PCDHGB3: variants seen among roughly 807,000 people sequenced by gnomAD.
PCDHGB3 encodes protocadherin gamma-B3.
A neutral mutation model predicts 59.2 loss-of-function variants in PCDHGB3; 40 were observed. The ratio of observed to expected loss-of-function variants is 0.68; its 90% CI spans 0.52 to 0.88. PCDHGB3 has a LOEUF of 0.88. PCDHGB3 is among the 40% of genes least tolerant of loss of function. The pLI, the probability that PCDHGB3 is intolerant of heterozygous loss-of-function variation, is 0.00. For synonymous variants in PCDHGB3, 581 were observed against 503.6 expected (o/e 1.15, Z -2.06); for missense variants, 1,309 against 1,187.9 (o/e 1.10, Z -1.50).
intron 1 of PCDHGB3, among the ~76,000 whole-genome samples, chr5:141,448,086 T>TA (rs558292628): frequency 0.011 from 1,579 of 146,268 alleles, 11 homozygotes; most frequent in Non-Finnish European, 0.016. Context: ...AATGCCATCT[T>TA]AAAAAAAAAA....
At chr5:141,395,105 G>A in intron 1 of PCDHGB3, 1 of 1,614,220 alleles carries the variant, frequency 6.2e-7, no homozygotes, top group East Asian at 2.2e-5. Context: ...CCGACTCGCG[G>A]AAGAGTCACC....
At chr5:141,458,289 T>G (rs2154566205) in intron 1 of PCDHGB3, among the ~76,000 whole-genome samples, 1 of 152,280 alleles carries the variant, frequency 6.6e-6, no homozygotes, top group African/African-American at 2.4e-5. Flanking sequence ...CTGGTCCTCA[T>G]GCTGGTTTAG....
chr5:141,392,914 C>G (rs2092626800), intron 1 of PCDHGB3: 1 of 1,613,786 alleles, frequency 6.2e-7, no homozygotes. Context: ...ATTCGCTACT[C>G]TGTGCCAGAA....
chr5:141,511,695 C>T lies in PCDHGB3; in HGVS notation c.*522C>T, dbSNP rs1009832192. 1 of 195,662 alleles carries T rather than the reference C, an allele frequency of 5.1e-6. No individual in the cohort carries two copies. Among genetic ancestry groups the T allele is most frequent in the Non-Finnish European group, 1.1e-5 (1 of 92,626 alleles). The allele number at this position is 195,662 out of a possible 1,614,324, so 12.1% of individuals were successfully genotyped here. On this transcript the variant is annotated 3_prime_UTR_variant, in exon 4 of 4. Coordinates refer to ENST00000576222, the MANE Select transcript of PCDHGB3 (RefSeq NM_018924.5). ...CTTCCCCCAAAGCATGGTTTGGTGC[C>T]AGCCCCTTCACCTCCTTCCAGAGCC...
At chr5:141,388,439 A>G (rs1209677690) in intron 1 of PCDHGB3, 10 of 1,613,896 alleles carry the variant, frequency 6.2e-6, no homozygotes, top group Non-Finnish European at 8.5e-6. Context: ...ATAAAGAGAA[A>G]TCAGATGGCA....
At position 141,487,144 on chromosome 5, in the gene PCDHGB3, C is replaced by T. The variant is rs2099640304; in HGVS notation, c.2416-7663C>T. The T allele has an allele frequency of 6.2e-7, 1 of 1,614,032 alleles. No homozygotes were observed. Among genetic ancestry groups the T allele is most frequent in the African/African-American group, 1.3e-5 (1 of 75,056 alleles). On this transcript the variant is annotated intron_variant, in intron 1 of 3. Coordinates refer to ENST00000576222, the MANE Select transcript of PCDHGB3 (RefSeq NM_018924.5). This position sits in a 1 kb window ranked among gnomAD's most constrained non-coding sequence, Gnocchi z 5.0. ...ATAGTGGTAGTCCACCACTCTCTAC[C>T]TCTGTTACTCTCTTAGTGTCCTTAG...
chr5:141,487,058 C>T lies in PCDHGB3; in HGVS notation c.2416-7749C>T, dbSNP rs775720601. 23 of 1,613,980 alleles carry T rather than the reference C, an allele frequency of 1.4e-5. No individual in the cohort carries two copies. The highest frequency in any genetic ancestry group is 1.0e-4 in the Admixed American group (6 of 59,996). ...AGTCTCTCGATATGCTGGGGAGGTGCGGACGGCTGTTCCTATCCCAGCTGA... is the reference window on the plus strand; with the variant it reads ...AGTCTCTCGATATGCTGGGGAGGTGTGGACGGCTGTTCCTATCCCAGCTGA... On this transcript the variant is annotated intron_variant, in intron 1 of 3. Transcript: ENST00000576222. The surrounding 1 kb of genome is among the most constrained non-coding windows in gnomAD (Gnocchi z 5.0).
intron 1 of PCDHGB3, among the ~76,000 whole-genome samples, chr5:141,472,357 C>T (rs1020143523): frequency 2.4e-4 from 37 of 152,012 alleles, no homozygotes; most frequent in Non-Finnish European, 1.5e-4. Context: ...CTGGCTAACA[C>T]GGTGAAACCC....
chr5:141,390,000 A>G, intron 1 of PCDHGB3: 2 of 1,613,856 alleles, frequency 1.2e-6, no homozygotes, highest in Non-Finnish European at 1.7e-6. Flanking sequence ...CGTGGCCATG[A>G]TTCTGGCCAT....
chr5:141,414,862 G>A (rs763491057), intron 1 of PCDHGB3: 1 of 1,614,226 alleles, frequency 6.2e-7, no homozygotes, highest in Non-Finnish European at 8.5e-7. Context: ...GAACGACAAT[G>A]CGCCCGAGAT....
At chr5:141,398,957 T>G (rs1307112913) in intron 1 of PCDHGB3, 1 of 1,613,868 alleles carries the variant, frequency 6.2e-7, no homozygotes, top group South Asian at 1.1e-5. Context: ...AACTCAGAAA[T>G]TACTTATTCC....
intron 1 of PCDHGB3, chr5:141,423,300 G>A (rs1293301567): frequency 2.5e-6 from 4 of 1,614,028 alleles, no homozygotes; most frequent in African/African-American, 1.3e-5. Context: ...CAGACCTCTC[G>A]CTGTACTTGG....
At chr5:141,413,661 T>G (rs2095664313) in intron 1 of PCDHGB3, 1 of 1,613,886 alleles carries the variant, frequency 6.2e-7, no homozygotes. Flanking sequence ...CGGAAGCTAT[T>G]GATCCGGATG....
chr5:141,500,062 TAA>T (rs1314388217), intron 2 of PCDHGB3, among the ~76,000 whole-genome samples: 1 of 152,144 alleles, frequency 6.6e-6, no homozygotes, highest in East Asian at 1.9e-4. Flanking sequence ...TCTTTTAATG[TAA>T]AAGACTTCCC....
intron 1 of PCDHGB3, among the ~76,000 whole-genome samples, chr5:141,446,453 A>T (rs2098502702): frequency 6.6e-6 from 1 of 151,946 alleles, no homozygotes; most frequent in Non-Finnish European, 1.5e-5. Context: ...GCAGATATTC[A>T]GTGTGTGATT....
chr5:141,478,394 G>A, intron 1 of PCDHGB3: 1 of 1,613,586 alleles, frequency 6.2e-7, no homozygotes, highest in Non-Finnish European at 8.5e-7. Context: ...TTACCATCAG[G>A]TGTATCTCAC....
intron 1 of PCDHGB3, among the ~76,000 whole-genome samples, chr5:141,455,489 A>T (rs925133619): frequency 3.9e-5 from 6 of 152,152 alleles, no homozygotes; most frequent in African/African-American, 4.8e-5. Context: ...GGTGGAGGTG[A>T]TGTCTGATTT....
intron 2 of PCDHGB3, among the ~76,000 whole-genome samples, chr5:141,497,879 G>T (rs62379207): frequency 2.0e-5 from 3 of 152,128 alleles, no homozygotes; most frequent in Admixed American, 6.5e-5. Flanking sequence ...TGAAATAAGC[G>T]TTAGGATCTA....
intron 1 of PCDHGB3, chr5:141,375,869 A>G (rs767048735): frequency 1.2e-6 from 2 of 1,613,850 alleles, no homozygotes; most frequent in Admixed American, 1.7e-5. Context: ...GGCGGTGGAC[A>G]GAGACTCGGG....
Sources: allele counts gnomAD v4.1 joint callset (sites outside exome capture counted in the v4.1 genomes callset), GRCh38; gene constraint gnomAD v4.1.1; non-coding constraint Gnocchi (gnomAD v3.1); transcripts MANE v1.5; gene names NCBI Gene and HGNC (gene_info 2026-07-23, HGNC 2026-07-21).